ZBTB16: variants seen among roughly 807,000 people sequenced by gnomAD.
The protein encoded by ZBTB16 is zinc finger and BTB domain containing 16.
Under a neutral mutation model 56.8 loss-of-function variants are expected in ZBTB16, and 8 were observed. The observed-to-expected ratio is 0.14, with a 90% CI of 0.08 to 0.25. ZBTB16 has a LOEUF of 0.25. Ranked by LOEUF, ZBTB16 falls within the 10% of genes least tolerant of loss-of-function variation. The probability of loss-of-function intolerance (pLI) is 1.00; values close to 1 mark genes in which losing one functional copy is unlikely to be tolerated. For missense variants in ZBTB16, 625 were observed against 903.0 expected (o/e 0.69, Z 3.95); for synonymous variants, 363 against 368.5 (o/e 0.98, Z 0.17).
intron 5 of ZBTB16, among the ~76,000 whole-genome samples, chr11:114,242,765 G>A (rs1944736945): frequency 2.0e-5 from 3 of 152,126 alleles, no homozygotes; most frequent in South Asian, 4.1e-4. Flanking sequence ...TTGATGCCCC[G>A]CCGCTCTATC....
intron 2 of ZBTB16, among the ~76,000 whole-genome samples, chr11:114,102,467 T>C (rs540955338): frequency 1.3e-5 from 2 of 152,176 alleles, no homozygotes; most frequent in Non-Finnish European, 2.9e-5. Flanking sequence ...TTCTCCTTCA[T>C]CACAGCAGTG....
At chr11:114,098,140 A>G (rs937699236) in intron 2 of ZBTB16, among the ~76,000 whole-genome samples, 3 of 152,114 alleles carry the variant, frequency 2.0e-5, no homozygotes, top group South Asian at 2.1e-4. Flanking sequence ...TTTTATTCAC[A>G]TGAAAATTTA....
intron 2 of ZBTB16, among the ~76,000 whole-genome samples, chr11:114,125,689 C>T (rs531967388): frequency 6.6e-6 from 1 of 152,192 alleles, no homozygotes; most frequent in South Asian, 2.1e-4. Context: ...GACCTCCTGG[C>T]CTCCTTTGGT....
intron 2 of ZBTB16, among the ~76,000 whole-genome samples, chr11:114,102,457 TTCTCC>T (rs1940645062): frequency 6.6e-6 from 1 of 152,158 alleles, no homozygotes; most frequent in Non-Finnish European, 1.5e-5. Flanking sequence ...ATCATCACTC[TTCTCC>T]TTCATCACAG....
In ZBTB16 at chr11:114,069,113, T is replaced by C. The variant is rs1416002727; in HGVS notation, c.1268+4545T>C. Reference sequence around the variant, plus strand: ...TTCCTTTTTGTTTTTGGAGATGGAGTCTCGCTCTGTCTCCCAGGCTGGAGT... The same window carrying C: ...TTCCTTTTTGTTTTTGGAGATGGAGCCTCGCTCTGTCTCCCAGGCTGGAGT... On this transcript the variant is annotated intron_variant, in intron 2 of 6. Coordinates refer to ENST00000335953, the MANE Select transcript of ZBTB16 (RefSeq NM_006006.6). Among the ~76,000 whole-genome samples, 8 of 152,140 alleles carry C rather than the reference T, an allele frequency of 5.3e-5. No homozygotes were observed. The South Asian group carries it at 1.0e-3, about 20-fold the overall frequency.
At chr11:114,121,855 T>C in intron 2 of ZBTB16, 1 of 455,818 alleles carries the variant, frequency 2.2e-6, no homozygotes, top group Non-Finnish European at 4.4e-6. Context: ...TTGGCAACAC[T>C]TCATTTTGGA....
chr11:114,200,975 C>T (rs1375661674), intron 4 of ZBTB16, among the ~76,000 whole-genome samples: 1 of 152,158 alleles, frequency 6.6e-6, no homozygotes, highest in Non-Finnish European at 1.5e-5. Flanking sequence ...ACACAAGGGC[C>T]TATTTTATTC....
chr11:114,107,186 C>A (rs907880251), intron 2 of ZBTB16, among the ~76,000 whole-genome samples: 1 of 152,126 alleles, frequency 6.6e-6, no homozygotes, highest in African/African-American at 2.4e-5. Flanking sequence ...GTGACTTGCG[C>A]AAGGTCACGC....
intron 3 of ZBTB16, 32 bp from the exon 4 acceptor site, chr11:114,186,920 C>G (rs1225914691): frequency 1.2e-6 from 2 of 1,607,802 alleles, no homozygotes; most frequent in Non-Finnish European, 8.5e-7. Context: ...TGGACTATTG[C>G]TCTAGTGGTA....
chr11:114,073,543 A>G (rs1939431591), intron 2 of ZBTB16, among the ~76,000 whole-genome samples: 1 of 152,096 alleles, frequency 6.6e-6, no homozygotes, highest in Non-Finnish European at 1.5e-5. Context: ...CCGGTACTTT[A>G]TTGTCAGCAT....
chr11:114,089,587 C>T (rs1391112531), intron 2 of ZBTB16, among the ~76,000 whole-genome samples: 2 of 152,214 alleles, frequency 1.3e-5, no homozygotes, highest in African/African-American at 4.8e-5. Context: ...CCTCTCCAGA[C>T]TGCCTGGGAA....
chr11:114,217,985 G>C (rs913603793), intron 4 of ZBTB16, among the ~76,000 whole-genome samples: 2 of 152,192 alleles, frequency 1.3e-5, no homozygotes, highest in Non-Finnish European at 2.9e-5. Context: ...CCCAGCTCCT[G>C]GCATTCTCAA....
intron 4 of ZBTB16, among the ~76,000 whole-genome samples, chr11:114,239,634 T>G (rs762423272): frequency 2.6e-5 from 4 of 152,204 alleles, no homozygotes; most frequent in African/African-American, 4.8e-5. Flanking sequence ...CTACTCAGCA[T>G]TTCTGAGAGA....
intron 3 of ZBTB16, among the ~76,000 whole-genome samples, chr11:114,169,604 G>C (rs1050034516): frequency 6.6e-6 from 1 of 152,180 alleles, no homozygotes; most frequent in African/African-American, 2.4e-5. Flanking sequence ...TTGGCAGGGT[G>C]GACAGAGGGG....
Position 114,082,384 on chromosome 11 carries a change from A to T in ZBTB16, c.1268+17816A>T, listed in dbSNP as rs2735202. On this transcript the variant is annotated intron_variant, in intron 2 of 6. Transcript: ENST00000335953. Reference sequence around the variant, plus strand: ...GTGGGATAGCCTGAGGATTTGGGGTAGTGTACTTAACACACTCTGCACAGT... The same window carrying T: ...GTGGGATAGCCTGAGGATTTGGGGTTGTGTACTTAACACACTCTGCACAGT... Among the ~76,000 whole-genome samples the T allele has an allele frequency of 7.2e-3, 1,102 of 152,164 alleles. 12 individuals are homozygous for T. The highest frequency in any genetic ancestry group is 0.024 in the African/African-American group (1,011 of 41,540).
intron 2 of ZBTB16, among the ~76,000 whole-genome samples, chr11:114,139,949 G>T (rs1941903188): frequency 6.6e-6 from 1 of 152,138 alleles, no homozygotes; most frequent in Admixed American, 6.5e-5. Flanking sequence ...GAGCGTGTCA[G>T]ACCTCAGCTC....
At chr11:114,115,878 T>C (rs561357566) in intron 2 of ZBTB16, among the ~76,000 whole-genome samples, 1 of 152,262 alleles carries the variant, frequency 6.6e-6, no homozygotes, top group Non-Finnish European at 1.5e-5. Context: ...CCAGCGAGCA[T>C]GCGTTCATGT....
intron 4 of ZBTB16, among the ~76,000 whole-genome samples, chr11:114,228,757 G>A (rs1421317989): frequency 2.6e-5 from 4 of 152,212 alleles, no homozygotes; most frequent in Non-Finnish European, 4.4e-5. Flanking sequence ...GGCGGGGCCG[G>A]TGCCCCCTAG....
At chr11:114,088,262 C>T (rs945656641) in intron 2 of ZBTB16, among the ~76,000 whole-genome samples, 1 of 151,310 alleles carries the variant, frequency 6.6e-6, no homozygotes, top group Non-Finnish European at 1.5e-5. Context: ...GTGTCTCAGC[C>T]TCCCGAGTAG....
Sources: gnomAD v4.1 joint callset for allele counts (sites outside exome capture counted in the v4.1 genomes callset) on GRCh38, gnomAD v4.1.1 for gene constraint, MANE v1.5 for transcripts, NCBI Gene and HGNC (gene_info 2026-07-23, HGNC 2026-07-21) for gene names.